ZMAT3: variants seen among roughly 807,000 people sequenced by gnomAD.
ZMAT3 encodes the protein zinc finger matrin-type protein 3.
A neutral mutation model predicts 32.3 loss-of-function variants in ZMAT3; 17 were observed. The observed-to-expected ratio is 0.53, with a 90% CI of 0.36 to 0.79. The LOEUF is 0.79. ZMAT3 is among the 30% of genes least tolerant of loss of function. The pLI is 0.00. For synonymous variants in ZMAT3, 120 were observed against 133.1 expected (o/e 0.90, Z 0.68); for missense variants, 329 against 359.7 (o/e 0.91, Z 0.69).
Position 179,022,881 on chromosome 3 carries a change from G to C in ZMAT3, c.*2136C>G, listed in dbSNP as rs957584283. 1 of 152,110 alleles carries C rather than the reference G, an allele frequency of 6.6e-6. No homozygotes were observed. Among genetic ancestry groups the C allele is most frequent in the Admixed American group, 6.5e-5 (1 of 15,274 alleles). 9.4% of individuals were successfully genotyped at this position (152,110 alleles called of 1,614,324 possible). Reference sequence around the variant, plus strand: ...AAAATTGTCCCAAAGTATTACAGAAGAAGAATGATTGTAATTTGCCTTCCC... The same window carrying C: ...AAAATTGTCCCAAAGTATTACAGAACAAGAATGATTGTAATTTGCCTTCCC... On this transcript the variant is annotated 3_prime_UTR_variant, in exon 6 of 6. Coordinates refer to ENST00000311417, the MANE Select transcript of ZMAT3 (RefSeq NM_022470.4).
At chr3:179,043,762 A>C (rs567061277) in intron 2 of ZMAT3, among the ~76,000 whole-genome samples, 1 of 152,358 alleles carries the variant, frequency 6.6e-6, no homozygotes, top group South Asian at 2.1e-4. Context: ...ACAGCAAAAG[A>C]AACTACCATC....
intron 2 of ZMAT3, among the ~76,000 whole-genome samples, chr3:179,032,570 C>T (rs1051929160): frequency 6.6e-6 from 1 of 150,808 alleles, no homozygotes; most frequent in Non-Finnish European, 1.5e-5. Context: ...CGTCTCTGCC[C>T]GGCCACCCAT....
intron 2 of ZMAT3, among the ~76,000 whole-genome samples, chr3:179,066,106 G>A (rs1721403555): frequency 6.6e-6 from 1 of 152,102 alleles, no homozygotes. Context: ...TACAGTCTTG[G>A]AGTTGAGATT....
At chr3:179,033,556 GA>G (rs11305804) in intron 2 of ZMAT3, among the ~76,000 whole-genome samples, 121,260 of 147,966 alleles carry the variant, frequency 0.82, 49,970 homozygotes, top group East Asian at 0.94. Context: ...GGGATTTTAG[GA>G]AAAAAAAAAA....
chr3:179,025,361 G>C, intron 5 of ZMAT3, 133 bp from the exon 6 acceptor site: 1 of 740,024 alleles, frequency 1.4e-6, no homozygotes, highest in Admixed American at 2.8e-5. Context: ...AAGTGAATGT[G>C]AAGTTAATGG....
intron 2 of ZMAT3, among the ~76,000 whole-genome samples, chr3:179,039,013 C>T (rs4377527): frequency 0.61 from 92,521 of 151,596 alleles, 28,367 homozygotes; most frequent in East Asian, 0.8. Flanking sequence ...GGGGGAGGGG[C>T]CTCAGCCATT....
At chr3:179,034,911 CACAGTAAT>C (rs1177064489) in intron 2 of ZMAT3, among the ~76,000 whole-genome samples, 1 of 152,138 alleles carries the variant, frequency 6.6e-6, no homozygotes, top group Non-Finnish European at 1.5e-5. Context: ...CTACAAATAC[CACAGTAAT>C]CCAAGGTACC....
At chr3:179,045,140 A>C (rs532002626) in intron 2 of ZMAT3, among the ~76,000 whole-genome samples, 1 of 152,284 alleles carries the variant, frequency 6.6e-6, no homozygotes, top group South Asian at 2.1e-4. Context: ...ACACTACAAT[A>C]TCAAGTGTGG....
chr3:179,058,926 TA>T (rs1390977291), intron 2 of ZMAT3, among the ~76,000 whole-genome samples: 1 of 151,670 alleles, frequency 6.6e-6, no homozygotes, highest in Non-Finnish European at 1.5e-5. Context: ...GGAAAAAGGG[TA>T]AATATATATA....
In ZMAT3 at chr3:179,022,316, A is replaced by G. The variant is rs181938856; in HGVS notation, c.*2701T>C. 2.0e-5 allele frequency: 3 copies of G among 152,208 alleles called. No individual in the cohort carries two copies. Among genetic ancestry groups the G allele is most frequent in the Admixed American group, 1.3e-4 (2 of 15,276 alleles). 9.4% of individuals were successfully genotyped at this position (152,208 alleles called of 1,614,324 possible). ...TATAAAACTATTTCCAATGGAAAAC[A>G]AAGTGGATGAATGACATTTTTACAA... On this transcript the variant is annotated 3_prime_UTR_variant, in exon 6 of 6. Coordinates refer to ENST00000311417, the MANE Select transcript of ZMAT3 (RefSeq NM_022470.4).
intron 2 of ZMAT3, among the ~76,000 whole-genome samples, chr3:179,041,276 T>C (rs1459301018): frequency 6.6e-6 from 1 of 152,164 alleles, no homozygotes; most frequent in African/African-American, 2.4e-5. Context: ...CAACATAATA[T>C]ACATTCTTCT....
chr3:179,070,759 T>C (rs980863269), intron 1 of ZMAT3, among the ~76,000 whole-genome samples: 1 of 152,234 alleles, frequency 6.6e-6, no homozygotes, highest in African/African-American at 2.4e-5. Flanking sequence ...GTTAATGTCC[T>C]GGTTTGGAAA....
chr3:179,057,803 G>A (rs562861564), intron 2 of ZMAT3, among the ~76,000 whole-genome samples: 14 of 152,208 alleles, frequency 9.2e-5, no homozygotes, highest in South Asian at 2.1e-4. Flanking sequence ...GGTTTCTGCC[G>A]AATATGGATT....
intron 2 of ZMAT3, among the ~76,000 whole-genome samples, chr3:179,058,705 G>A (rs1157431579): frequency 2.1e-5 from 3 of 143,918 alleles, no homozygotes; most frequent in African/African-American, 7.9e-5. Flanking sequence ...GCAGTGAGCC[G>A]AGATCCCGCC....
intron 2 of ZMAT3, among the ~76,000 whole-genome samples, chr3:179,055,792 C>T (rs780290366): frequency 6.6e-6 from 1 of 152,222 alleles, no homozygotes; most frequent in Non-Finnish European, 1.5e-5. Flanking sequence ...AAATCAGACA[C>T]TAACCCCAAA....
At chr3:179,053,257 A>G (rs865823232) in intron 2 of ZMAT3, among the ~76,000 whole-genome samples, 1 of 150,408 alleles carries the variant, frequency 6.6e-6, no homozygotes, top group Admixed American at 6.6e-5. Context: ...CAAAATATCT[A>G]TATTCTATAT....
At chr3:179,062,744 G>A (rs1202192475) in intron 2 of ZMAT3, among the ~76,000 whole-genome samples, 2 of 152,158 alleles carry the variant, frequency 1.3e-5, no homozygotes. Flanking sequence ...TCATTTGTTG[G>A]TTGAATTATT....
At chr3:179,030,329 T>G (rs1719107802) in intron 3 of ZMAT3, among the ~76,000 whole-genome samples, 1 of 151,990 alleles carries the variant, frequency 6.6e-6, no homozygotes, top group Non-Finnish European at 1.5e-5. Flanking sequence ...AGCCTAGACA[T>G]TCAGGATCAT....
chr3:179,029,447 T>C (rs1719061674), intron 3 of ZMAT3, among the ~76,000 whole-genome samples: 2 of 152,294 alleles, frequency 1.3e-5, no homozygotes, highest in South Asian at 2.1e-4. Flanking sequence ...AATACTTTCA[T>C]GGAATTTTTT....
Sources: allele counts gnomAD v4.1 joint callset (sites outside exome capture counted in the v4.1 genomes callset), GRCh38; gene constraint gnomAD v4.1.1; transcripts MANE v1.5; gene names NCBI Gene and HGNC (gene_info 2026-07-23, HGNC 2026-07-21).